PDCD6IP: variants seen among roughly 807,000 people sequenced by gnomAD.
PDCD6IP encodes programmed cell death 6-interacting protein.
Under a neutral mutation model 103.7 loss-of-function variants are expected in PDCD6IP, and 43 were observed. The ratio of observed to expected loss-of-function variants is 0.41; its 90% CI spans 0.32 to 0.53. The LOEUF is 0.53. Among genes scored for constraint, PDCD6IP ranks in the 20% least tolerant of loss-of-function variants. PDCD6IP has a pLI of 0.16. For synonymous variants in PDCD6IP, 354 were observed against 378.7 expected, an observed-to-expected ratio of 0.93 and a Z score of 0.76; for missense variants, 871 against 1,036.7, an observed-to-expected ratio of 0.84 and a Z score of 2.20.
chr3:33,813,752 T>C lies in PDCD6IP; in HGVS notation c.334+124T>C, dbSNP rs1696768936. 6 of 648,812 alleles carry C rather than the reference T, an allele frequency of 9.2e-6. No individual in the cohort carries two copies. In the East Asian group the frequency reaches 1.6e-4, roughly 17 times the overall value. 40.2% of individuals were successfully genotyped at this position (648,812 alleles called of 1,614,324 possible). ...CTAAAGTTTTTTACATTTCATTCTC[T>C]TTTTAGCTTCAACTTTTAATGCAAT... On this transcript the variant is annotated intron_variant, in intron 3 of 17. Coordinates refer to ENST00000307296, the MANE Select transcript of PDCD6IP (RefSeq NM_013374.6).
chr3:33,825,709 T>C (rs1697105841), intron 5 of PDCD6IP, among the ~76,000 whole-genome samples: 1 of 152,368 alleles, frequency 6.6e-6, no homozygotes, highest in East Asian at 1.9e-4. Context: ...ACTTAGGTTT[T>C]GGCGACGGGA....
intron 12 of PDCD6IP, among the ~76,000 whole-genome samples, chr3:33,848,688 C>G (rs1170005799): frequency 6.6e-6 from 1 of 152,166 alleles, no homozygotes; most frequent in Non-Finnish European, 1.5e-5. Context: ...CAGGCGTGAG[C>G]TACCGCGCCC....
At chr3:33,805,367 A>G (rs1168208212) in intron 1 of PDCD6IP, among the ~76,000 whole-genome samples, 1 of 151,832 alleles carries the variant, frequency 6.6e-6, no homozygotes, top group East Asian at 1.9e-4. Context: ...AAAAAAAAAA[A>G]AAATTTTTTT....
rs566283186 is a variant in PDCD6IP at position 33,814,695 on chromosome 3, A to G, written c.334+1067A>G. Among the ~76,000 whole-genome samples the G allele has an allele frequency of 6.8e-5, 10 of 146,052 alleles. No individual in the cohort carries two copies. In the South Asian group the frequency reaches 2.1e-3, roughly 31 times the overall value. ...TATATATGTGTATATAATGTGTATT[A>G]TATATATGTATGTATATATGTAAGT... On this transcript the variant is annotated intron_variant, in intron 3 of 17. Coordinates refer to ENST00000307296, the MANE Select transcript of PDCD6IP (RefSeq NM_013374.6).
chr3:33,861,501 G>T (rs1697954292), intron 15 of PDCD6IP, among the ~76,000 whole-genome samples: 1 of 152,178 alleles, frequency 6.6e-6, no homozygotes, highest in African/African-American at 2.4e-5. Context: ...TCAGATGTTT[G>T]ATAGTCATGT....
At position 33,864,148 on chromosome 3, in the gene PDCD6IP, ATTTT is replaced by A; in HGVS notation, c.2244+20_2244+23del. ...CATGCCGGTTAGTAGGCAAATAAAT[ATTTT>A]AAACAGAGGTTTTACATTAACGATG... On this transcript the variant is annotated intron_variant, in intron 16 of 17. Transcript: ENST00000307296. 1 of 1,345,302 alleles carries A rather than the reference ATTTT, an allele frequency of 7.4e-7. No homozygotes were observed. 83.3% of individuals were successfully genotyped at this position (1,345,302 alleles called of 1,614,324 possible). A position where few individuals can be genotyped will look rare whatever the true frequency, so the allele number is the denominator to read the frequency against.
At chr3:33,825,164 GA>G (rs750456783) in intron 4 of PDCD6IP, 22 bp from the exon 5 acceptor site, 25 of 1,596,656 alleles carry the variant, frequency 1.6e-5, no homozygotes, top group African/African-American at 2.7e-5. Context: ...TTCCTATAAA[GA>G]AATTCTTTTT....
Position 33,798,888 on chromosome 3 carries a change from G to C in PDCD6IP, c.160G>C (p.Val54Leu). The change falls in exon 1 of 18, where the codon GTC (valine) becomes CTC (leucine). Residue 54 changes from valine (V) to leucine (L), a missense_variant. This residue lies in a region of PDCD6IP where 114 missense variants were observed against 106.7 expected (regional missense o/e 1.07). Coordinates refer to ENST00000307296, the MANE Select transcript of PDCD6IP (RefSeq NM_013374.6). ...EELSKLRRAA[V>L]GRPLDKHEGA... ...GCTCAGCAAGCTGCGCCGCGCCGCAGTCGGTCGTCCGCTGGACAAGCACGA... is the reference window on the plus strand; with the variant it reads ...GCTCAGCAAGCTGCGCCGCGCCGCACTCGGTCGTCCGCTGGACAAGCACGA... The C allele has an allele frequency of 6.5e-7, 1 of 1,548,084 alleles. No homozygotes were observed. Among genetic ancestry groups the C allele is most frequent in the South Asian group, 1.2e-5 (1 of 83,966 alleles).
chr3:33,828,076 A>G (rs1204800023), intron 6 of PDCD6IP: 1 of 152,162 alleles, frequency 6.6e-6, no homozygotes, highest in Non-Finnish European at 1.5e-5. Flanking sequence ...GTTACAGGTT[A>G]GATTTTGACG....
At chr3:33,835,678 A>G (rs1697330075) in intron 7 of PDCD6IP, among the ~76,000 whole-genome samples, 1 of 152,042 alleles carries the variant, frequency 6.6e-6, no homozygotes, top group African/African-American at 2.4e-5. Context: ...AGATCGCGCC[A>G]CTGTGCTCCA....
At position 33,863,945 on chromosome 3, in the gene PDCD6IP, T is replaced by C. The variant is rs1275063784; in HGVS notation, c.2121-61T>C. On this transcript the variant is annotated intron_variant, in intron 15 of 17. Transcript: ENST00000307296. Reference sequence around the variant, plus strand: ...CATGTATGAAGAAAAGAAAAGCTGATATTTTATGTGTGTTAATTTTTTTCT... The same window carrying C: ...CATGTATGAAGAAAAGAAAAGCTGACATTTTATGTGTGTTAATTTTTTTCT... 65 of 1,067,744 alleles carry C rather than the reference T, an allele frequency of 6.1e-5. No homozygotes were observed. In the East Asian group the frequency reaches 1.5e-3, roughly 25 times the overall value. 66.1% of individuals were successfully genotyped at this position (1,067,744 alleles called of 1,614,324 possible).
chr3:33,860,190 A>G (rs116773423), intron 15 of PDCD6IP, among the ~76,000 whole-genome samples: 12,405 of 152,298 alleles, frequency 0.081, 568 homozygotes, highest in African/African-American at 0.093. Context: ...TTTATATTTC[A>G]TATATCTAAT....
chr3:33,820,416 T>A (rs527323834), intron 3 of PDCD6IP, among the ~76,000 whole-genome samples: 2 of 152,326 alleles, frequency 1.3e-5, no homozygotes, highest in East Asian at 3.9e-4. Context: ...TTAAAAAAAA[T>A]TTCACAACAT....
At chr3:33,832,763 C>T (rs76516141) in intron 7 of PDCD6IP, among the ~76,000 whole-genome samples, 2,291 of 152,232 alleles carry the variant, frequency 0.015, 24 homozygotes, top group Non-Finnish European at 0.021. Flanking sequence ...ATACTTGAGA[C>T]TGTTTTAATG....
At chr3:33,813,761 T>C (rs574590549) in intron 3 of PDCD6IP, 133 bp downstream of exon 3, 1 of 633,758 alleles carries the variant, frequency 1.6e-6, no homozygotes, top group African/African-American at 1.8e-5. Context: ...CTTTTTAGCT[T>C]CAACTTTTAA....
At position 33,826,419 on chromosome 3, in the gene PDCD6IP, AC is replaced by A. The variant is rs1475048474; in HGVS notation, c.617-60del. 6.8e-6 allele frequency: 8 copies of A among 1,170,680 alleles called. No individual in the cohort carries two copies. The African/African-American group carries it at 1.1e-4, about 16-fold the overall frequency. The allele number at this position is 1,170,680 out of a possible 1,614,324, so 72.5% of individuals were successfully genotyped here. A position where few individuals can be genotyped will look rare whatever the true frequency, so the allele number is the denominator to read the frequency against. On this transcript the variant is annotated intron_variant, in intron 5 of 17. Coordinates refer to ENST00000307296, the MANE Select transcript of PDCD6IP (RefSeq NM_013374.6). ...ACAAACTTGTGACCTCAGTGTTTAT[AC>A]TGAGACATGTCAGATTAGCTCATAT...
chr3:33,817,527 G>C (rs1038787485), intron 3 of PDCD6IP, among the ~76,000 whole-genome samples: 2 of 152,158 alleles, frequency 1.3e-5, no homozygotes, highest in African/African-American at 4.8e-5. Flanking sequence ...GCCAAGACAG[G>C]TGGATCACTT....
At chr3:33,852,339 A>T in intron 12 of PDCD6IP, 149 bp from the exon 13 acceptor site, 14 of 1,350,902 alleles carry the variant, frequency 1.0e-5, no homozygotes, top group Non-Finnish European at 1.4e-5. Flanking sequence ...GTGTCTATCT[A>T]TATAAACCTG....
At chr3:33,819,024 C>T (rs1696927446) in intron 3 of PDCD6IP, among the ~76,000 whole-genome samples, 1 of 151,906 alleles carries the variant, frequency 6.6e-6, no homozygotes, top group Non-Finnish European at 1.5e-5. Flanking sequence ...ACACTTATAT[C>T]TCCCTTAAGC....
Sources: gnomAD v4.1 joint callset for allele counts (sites outside exome capture counted in the v4.1 genomes callset) on GRCh38, gnomAD v4.1.1 for gene constraint, gnomAD v4.1.1 regional missense constraint, MANE v1.5 for transcripts, NCBI Gene and HGNC (gene_info 2026-07-23, HGNC 2026-07-21) for gene names.